The following CSMD3 variants were observed in gnomAD, a reference collection of about 807,000 sequenced individuals.
The protein encoded by CSMD3 is CUB and sushi domain-containing protein 3.
In CSMD3, 177 loss-of-function variants were observed where a neutral mutation model predicts 435.2. The ratio of observed to expected loss-of-function variants is 0.41; its 90% CI spans 0.36 to 0.46. The LOEUF (loss-of-function observed/expected upper bound fraction) is 0.46, where lower values mean the gene tolerates loss of function less well. CSMD3 is among the 20% of genes least tolerant of loss of function. The probability of loss-of-function intolerance (pLI) is 0.34; values close to 1 mark genes in which losing one functional copy is unlikely to be tolerated. For missense variants in CSMD3, 4,265 were observed against 4,504.6 expected (o/e 0.95, Z 1.52); for synonymous variants, 1,656 against 1,520.5 (o/e 1.09, Z -2.07).
chr8:112,327,909 C>G (rs1247993701), intron 45 of CSMD3, among the ~76,000 whole-genome samples: 1 of 152,136 alleles, frequency 6.6e-6, no homozygotes, highest in Non-Finnish European at 1.5e-5. Context: ...AATGAAACAT[C>G]CAACCCAATT....
intron 17 of CSMD3, among the ~76,000 whole-genome samples, chr8:112,664,594 T>TC (rs2075472742): frequency 6.6e-6 from 1 of 152,146 alleles, no homozygotes; most frequent in African/African-American, 2.4e-5. Context: ...TAAATTGTGT[T>TC]CCCCCAAATT....
chr8:113,242,133 A>G (rs973057571), intron 3 of CSMD3, among the ~76,000 whole-genome samples: 1 of 151,826 alleles, frequency 6.6e-6, no homozygotes, highest in South Asian at 2.1e-4. Flanking sequence ...ATAAGGAACA[A>G]TTATGAAAAC....
At position 112,352,399 on chromosome 8, in the gene CSMD3, C is replaced by A. The variant is rs1376943202; in HGVS notation, c.6255+17G>T. On this transcript the variant is annotated intron_variant, in intron 39 of 70. Transcript: ENST00000297405. Reference sequence around the variant, plus strand: ...AGGGCCATGAAAATCAAAACCACAACTTTAAAATAGACTTACCTGAAGAGA... The same window carrying A: ...AGGGCCATGAAAATCAAAACCACAAATTTAAAATAGACTTACCTGAAGAGA... The A allele has an allele frequency of 1.7e-5, 27 of 1,612,768 alleles. No individual in the cohort carries two copies. In the Admixed American group the frequency reaches 4.5e-4, roughly 27 times the overall value.
chr8:113,188,947 C>CACTG (rs1784854613), intron 3 of CSMD3, among the ~76,000 whole-genome samples: 2 of 151,748 alleles, frequency 1.3e-5, no homozygotes, highest in African/African-American at 4.8e-5. Context: ...ATTTAATGGT[C>CACTG]ACTGGTTCAT....
chr8:113,209,730 T>C (rs576365339), intron 3 of CSMD3, among the ~76,000 whole-genome samples: 113 of 152,252 alleles, frequency 7.4e-4, no homozygotes, highest in Non-Finnish European at 1.4e-3. Context: ...TTTAATTTTC[T>C]CTAATTTTAT....
intron 47 of CSMD3, 39 bp from the exon 48 acceptor site, chr8:112,314,656 T>C (rs1378247690): frequency 1.4e-6 from 2 of 1,430,812 alleles, no homozygotes; most frequent in African/African-American, 1.4e-5. Context: ...GCCAGTCTTT[T>C]AGAGCCTCAG....
chr8:112,335,403 C>T lies in CSMD3; in HGVS notation c.7091G>A (p.Ser2364Asn), dbSNP rs767878216. ...SGNTALESVYSTSNQILIKFH... is the reference protein window; with the variant it reads ...SGNTALESVYNTSNQILIKFH... ...TTTGATTAGAATCTGATTTGAAGTA[C>T]TGTAGACTGATTCCAAAGCGGTATT... The change falls in exon 45 of 71, where the codon AGT (serine) becomes AAT (asparagine). Residue 2364 changes from serine (S) to asparagine (N), a missense_variant. By Grantham distance (46) the Ser-to-Asn change is conservative (BLOSUM62 1). Around this residue, in one of 3 missense-constraint regions of CSMD3, gnomAD observed 3,255 missense variants for 3,380.2 expected, o/e 0.96. Coordinates refer to ENST00000297405, the MANE Select transcript of CSMD3 (RefSeq NM_198123.2). 6.2e-7 allele frequency: 1 copy of T among 1,613,876 alleles called. No individual in the cohort carries two copies. Among genetic ancestry groups the T allele is most frequent in the Non-Finnish European group, 8.5e-7 (1 of 1,179,840 alleles).
chr8:112,254,318 G>C lies in CSMD3; in HGVS notation c.10045C>G (p.Gln3349Glu), dbSNP rs1161419232. The C allele has an allele frequency of 6.2e-7, 1 of 1,609,822 alleles. No individual in the cohort carries two copies. The highest frequency in any genetic ancestry group is 8.5e-7 in the Non-Finnish European group (1 of 1,176,468). The change falls in exon 63 of 71, where the codon CAA becomes GAA. Residue 3349 changes from glutamine to glutamate, a missense_variant. This residue lies in a region of CSMD3 where 3,255 missense variants were observed against 3,380.2 expected (regional missense o/e 0.96). Coordinates refer to ENST00000297405, the MANE Select transcript of CSMD3 (RefSeq NM_198123.2). The stretch of plus-strand genomic sequence containing the variant: ...ACACCTGGGTTTTCACAAGAGGTTT[G>C]GGTAGGCTCTAAAATGAAGATTAAA... ...GSSPHCIEPT[Q>E]TSCENPGVPR...
chr8:113,163,900 G>A (rs1338582449), intron 4 of CSMD3, among the ~76,000 whole-genome samples: 4 of 151,992 alleles, frequency 2.6e-5, no homozygotes, highest in African/African-American at 9.7e-5. Flanking sequence ...AACCTGACCT[G>A]AGAAGCTAAT....
At chr8:113,208,709 T>C (rs981720990) in intron 3 of CSMD3, among the ~76,000 whole-genome samples, 2 of 152,024 alleles carry the variant, frequency 1.3e-5, no homozygotes, top group Non-Finnish European at 2.9e-5. Flanking sequence ...AAGAAAAATT[T>C]CATTAATCTT....
intron 6 of CSMD3, among the ~76,000 whole-genome samples, chr8:112,999,727 T>C (rs752088887): frequency 6.6e-6 from 1 of 151,526 alleles, no homozygotes; most frequent in Non-Finnish European, 1.5e-5. Flanking sequence ...AAGTAGTCTA[T>C]TGCGAATGTT....
intron 32 of CSMD3, among the ~76,000 whole-genome samples, chr8:112,468,225 G>A (rs1327144211): frequency 7.0e-6 from 1 of 142,070 alleles, no homozygotes; most frequent in African/African-American, 2.7e-5. Context: ...TCCTCCAATT[G>A]CCTAAAGTAT....
chr8:112,976,155 G>A lies in CSMD3; in HGVS notation c.1031-7C>T, dbSNP rs2084840058. On this transcript the variant is annotated splice_region_variant and splice_polypyrimidine_tract_variant and intron_variant, in intron 6 of 70. Coordinates refer to ENST00000297405, the MANE Select transcript of CSMD3 (RefSeq NM_198123.2). ...TGGGTCAATGTAGAAGAACCTGTGG[G>A]ACACAGTAGCACTAGATGCTAACTT... 7 of 1,613,806 alleles carry A rather than the reference G, an allele frequency of 4.3e-6. No individual in the cohort carries two copies. Among genetic ancestry groups the A allele is most frequent in the Non-Finnish European group, 5.9e-6 (7 of 1,179,794 alleles).
intron 13 of CSMD3, among the ~76,000 whole-genome samples, chr8:112,762,689 TGACATA>T (rs2077870895): frequency 8.5e-5 from 13 of 152,068 alleles, no homozygotes; most frequent in Middle Eastern, 3.4e-3. Flanking sequence ...TTTCTGTTAA[TGACATA>T]GGAAATTACA....
In CSMD3 at chr8:112,304,920, A is replaced by G. The variant is rs754637845; in HGVS notation, c.8072-5T>C. ...TGATGCTTGGACATGTAACAACTAT[A>G]CAAAAACCAAAGGGTGTAATTGCTA... On this transcript the variant is annotated splice_region_variant and splice_polypyrimidine_tract_variant and intron_variant, in intron 51 of 70. Coordinates refer to ENST00000297405, the MANE Select transcript of CSMD3 (RefSeq NM_198123.2). 1.4e-5 allele frequency: 22 copies of G among 1,610,844 alleles called. No individual in the cohort carries two copies. The South Asian group carries it at 2.1e-4, about 15-fold the overall frequency.
At chr8:113,411,862 TA>T (rs1280219247) in intron 1 of CSMD3, among the ~76,000 whole-genome samples, 1 of 152,042 alleles carries the variant, frequency 6.6e-6, no homozygotes, top group South Asian at 2.1e-4. Flanking sequence ...ATCTTCTTTT[TA>T]AAAAAAATTC....
chr8:113,186,597 T>C (rs1346050354), intron 3 of CSMD3, among the ~76,000 whole-genome samples: 5 of 152,096 alleles, frequency 3.3e-5, no homozygotes, highest in East Asian at 2.0e-4. Flanking sequence ...CTGCTAGTGA[T>C]TGTCCCCTCC....
At chr8:112,437,592 T>C (rs527436742) in intron 32 of CSMD3, among the ~76,000 whole-genome samples, 4 of 152,190 alleles carry the variant, frequency 2.6e-5, no homozygotes, top group South Asian at 4.1e-4. Flanking sequence ...TGTATGTATA[T>C]ATATATACAC....
intron 13 of CSMD3, among the ~76,000 whole-genome samples, chr8:112,710,138 T>C (rs1336003381): frequency 1.3e-5 from 2 of 152,050 alleles, no homozygotes; most frequent in African/African-American, 2.4e-5. Flanking sequence ...CATAAAGATA[T>C]GGGGTTTATT....
Sources: allele counts gnomAD v4.1 joint callset (sites outside exome capture counted in the v4.1 genomes callset), GRCh38; gene constraint gnomAD v4.1.1; regional missense constraint gnomAD v4.1.1; transcripts MANE v1.5; gene names NCBI Gene and HGNC (gene_info 2026-07-23, HGNC 2026-07-21).